MSR1: variants seen among roughly 807,000 people sequenced by gnomAD.
The protein encoded by MSR1 is macrophage scavenger receptor 1, also known as macrophage scavenger receptor types I and II.
MSR1 carries 53 observed loss-of-function variants against 47.2 expected under a neutral mutation model. The observed-to-expected ratio is 1.12, with a 90% CI of 0.90 to 1.41. The LOEUF is 1.41. Among genes scored for constraint, MSR1 ranks in the 40% most tolerant of loss-of-function variants. The pLI is 0.00. For missense variants in MSR1, 786 were observed against 546.9 expected (o/e 1.44, Z -4.36); for synonymous variants, 239 against 185.6 (o/e 1.29, Z -2.34).
At chr8:16,113,091 A>G (rs1446322985) in intron 9 of MSR1, among the ~76,000 whole-genome samples, 1 of 151,584 alleles carries the variant, frequency 6.6e-6, no homozygotes, top group African/African-American at 2.4e-5. Context: ...GTGGGATTAC[A>G]GGTGTGCACC....
chr8:16,144,606 A>G (rs1218322994), intron 7 of MSR1, among the ~76,000 whole-genome samples: 2 of 152,098 alleles, frequency 1.3e-5, no homozygotes, highest in Non-Finnish European at 2.9e-5. Context: ...TTGCTCTGCT[A>G]CTTACTGGGT....
At chr8:16,126,068 T>C (rs538284492) in intron 8 of MSR1, among the ~76,000 whole-genome samples, 1 of 152,286 alleles carries the variant, frequency 6.6e-6, no homozygotes, top group East Asian at 1.9e-4. Flanking sequence ...TTTTGAAATA[T>C]ATTTTATTTA....
At chr8:16,151,579 T>C (rs1437780302) in intron 6 of MSR1, among the ~76,000 whole-genome samples, 2 of 152,128 alleles carry the variant, frequency 1.3e-5, no homozygotes, top group African/African-American at 2.4e-5. Flanking sequence ...TTTTCTACAA[T>C]AATCTGTGGC....
intron 5 of MSR1, among the ~76,000 whole-genome samples, chr8:16,162,306 A>G (rs1307175437): frequency 1.3e-5 from 2 of 152,008 alleles, no homozygotes; most frequent in Non-Finnish European, 2.9e-5. Flanking sequence ...TAGTAAAACA[A>G]TTTCAAAGAT....
intron 8 of MSR1, among the ~76,000 whole-genome samples, chr8:16,142,026 G>A (rs750409545): frequency 6.6e-6 from 1 of 152,022 alleles, no homozygotes; most frequent in Non-Finnish European, 1.5e-5. Flanking sequence ...GAAGTAAGTC[G>A]AGTAAAAAGT....
intron 1 of MSR1, among the ~76,000 whole-genome samples, chr8:16,185,469 C>T (rs1258157302): frequency 6.6e-6 from 1 of 151,920 alleles, no homozygotes; most frequent in Admixed American, 6.6e-5. Flanking sequence ...ATTATCATAC[C>T]CACTTATTAT....
chr8:16,159,994 G>A (rs546826829), intron 5 of MSR1, among the ~76,000 whole-genome samples: 252 of 152,066 alleles, frequency 1.7e-3, no homozygotes, highest in African/African-American at 5.7e-3. Context: ...CAAATTAGTT[G>A]AAATATTTGA....
chr8:16,157,013 T>C (rs1479741864), intron 5 of MSR1, among the ~76,000 whole-genome samples: 1 of 151,882 alleles, frequency 6.6e-6, no homozygotes, highest in African/African-American at 2.4e-5. Flanking sequence ...GACACTCAAT[T>C]TATGCCTGAA....
intron 3 of MSR1, among the ~76,000 whole-genome samples, chr8:16,173,559 T>C (rs1801550615): frequency 6.6e-6 from 1 of 152,248 alleles, no homozygotes; most frequent in Admixed American, 6.5e-5. Flanking sequence ...TTGGTTGTTA[T>C]GGTTGGATTT....
chr8:16,147,494 A>G (rs1800733317), intron 7 of MSR1, among the ~76,000 whole-genome samples: 1 of 152,176 alleles, frequency 6.6e-6, no homozygotes, highest in Non-Finnish European at 1.5e-5. Flanking sequence ...CACATAGTCC[A>G]GGCTGTGAAA....
rs535712748 is a variant in MSR1 at position 16,140,906 on chromosome 8, G to C, written c.1033+2652C>G. ...AAAGTCATTTGGAGGAGTCACAAAA[G>C]GATCTTGGAAGTCAGTTGTGCAGAT... On this transcript the variant is annotated intron_variant, in intron 8 of 9. Transcript: ENST00000262101. 42 of 1,610,486 alleles carry C rather than the reference G, an allele frequency of 2.6e-5. No individual in the cohort carries two copies. In the African/African-American group the frequency reaches 5.3e-4, roughly 20 times the overall value.
At chr8:16,185,164 A>T (rs2117231846) in intron 1 of MSR1, among the ~76,000 whole-genome samples, 1 of 152,206 alleles carries the variant, frequency 6.6e-6, no homozygotes, top group African/African-American at 2.4e-5. Flanking sequence ...CAGAAAAAAA[A>T]AAAAGCTCAC....
At chr8:16,133,727 G>T (rs2410386) in intron 8 of MSR1, among the ~76,000 whole-genome samples, 3,130 of 152,172 alleles carry the variant, frequency 0.021, 100 homozygotes, top group African/African-American at 0.072. Flanking sequence ...ATTATACTGG[G>T]AAATCCATGT....
At chr8:16,150,592 A>G (rs1055602382) in intron 6 of MSR1, among the ~76,000 whole-genome samples, 4 of 152,112 alleles carry the variant, frequency 2.6e-5, no homozygotes, top group African/African-American at 7.2e-5. Context: ...GTTTTAACCA[A>G]AAGACTTATG....
At chr8:16,131,687 G>C (rs1207499360) in intron 8 of MSR1, among the ~76,000 whole-genome samples, 1 of 151,894 alleles carries the variant, frequency 6.6e-6, no homozygotes, top group Non-Finnish European at 1.5e-5. Flanking sequence ...TTCAGTTTCA[G>C]TCTTCTGCAT....
chr8:16,108,916 T>A lies in MSR1; in HGVS notation c.*1169A>T, dbSNP rs1433147351. 6.6e-6 allele frequency: 1 copy of A among 152,100 alleles called. No individual in the cohort carries two copies. Among genetic ancestry groups the A allele is most frequent in the South Asian group, 2.1e-4 (1 of 4,814 alleles). The allele number at this position is 152,100 out of a possible 1,614,324, so 9.4% of individuals were successfully genotyped here. On this transcript the variant is annotated 3_prime_UTR_variant, in exon 10 of 10. Transcript: ENST00000262101. ...ATAGTACTAGTTTACAATTACTTTT[T>A]TTGTGAATTAGTCATAGGAAACTTC...
intron 8 of MSR1, among the ~76,000 whole-genome samples, chr8:16,125,895 G>T (rs1800117650): frequency 6.6e-6 from 1 of 152,000 alleles, no homozygotes; most frequent in Non-Finnish European, 1.5e-5. Context: ...GCCTCCCAAG[G>T]TGATGTGATT....
intron 1 of MSR1, among the ~76,000 whole-genome samples, chr8:16,181,299 T>C (rs553522356): frequency 6.6e-6 from 1 of 152,250 alleles, no homozygotes; most frequent in South Asian, 2.1e-4. Flanking sequence ...TGAACTAATT[T>C]ACACCCCACC....
chr8:16,164,712 T>A (rs1391748050), intron 4 of MSR1, among the ~76,000 whole-genome samples: 1 of 152,044 alleles, frequency 6.6e-6, no homozygotes, highest in Non-Finnish European at 1.5e-5. Context: ...GTGGTGATGA[T>A]CATTGACAAT....
Sources: gnomAD v4.1 joint callset for allele counts (sites outside exome capture counted in the v4.1 genomes callset) on GRCh38, gnomAD v4.1.1 for gene constraint, MANE v1.5 for transcripts, NCBI Gene and HGNC (gene_info 2026-07-23, HGNC 2026-07-21) for gene names.